The following CELF2 variants were observed in gnomAD, a reference collection of about 807,000 sequenced individuals.
CELF2 encodes the protein CUGBP Elav-like family member 2.
A neutral mutation model predicts 62.6 loss-of-function variants in CELF2; 8 were observed. The observed-to-expected ratio is 0.13, with a 90% CI of 0.07 to 0.23. CELF2 has a LOEUF of 0.23. CELF2 is among the 10% of genes least tolerant of loss of function. The pLI, the probability that CELF2 is intolerant of heterozygous loss-of-function variation, is 1.00. For missense variants in CELF2, 333 were observed against 671.0 expected, an observed-to-expected ratio of 0.50 and a Z score of 5.56; for synonymous variants, 258 against 250.0, an observed-to-expected ratio of 1.03 and a Z score of -0.30.
At chr10:10,828,339 AG>A (rs1426462411) in intron 1 of CELF2, among the ~76,000 whole-genome samples, 1 of 152,222 alleles carries the variant, frequency 6.6e-6, no homozygotes, top group Admixed American at 6.5e-5. Context: ...CTCAAAAAAG[AG>A]GGGAATTCTG....
chr10:11,160,211 A>G (rs1370518201), intron 1 of CELF2, among the ~76,000 whole-genome samples: 1 of 152,244 alleles, frequency 6.6e-6, no homozygotes, highest in Non-Finnish European at 1.5e-5. Context: ...GATGGGAACT[A>G]TCCTCTTGCT....
chr10:10,888,610 G>A (rs2061924873), intron 1 of CELF2, among the ~76,000 whole-genome samples: 2 of 152,146 alleles, frequency 1.3e-5, no homozygotes, highest in African/African-American at 2.4e-5. Context: ...TCTGTGTTCC[G>A]TGAGCCTAGG....
chr10:10,506,750 C>T, the CELF2 span, among the ~76,000 whole-genome samples: 1 of 124,348 alleles, frequency 8.0e-6, no homozygotes, highest in African/African-American at 3.0e-5. Flanking sequence ...AATCTTGGCT[C>T]ACTGCAACCT....
At chr10:10,734,087 T>A in the CELF2 span, among the ~76,000 whole-genome samples, 3 of 151,984 alleles carry the variant, frequency 2.0e-5, no homozygotes, top group Non-Finnish European at 4.4e-5. Context: ...TACTTCTACA[T>A]GTTCATTTTT....
intron 2 of CELF2, chr10:10,952,077 C>A (rs1449195391): frequency 1.3e-5 from 2 of 152,292 alleles, no homozygotes; most frequent in African/African-American, 4.8e-5. Flanking sequence ...TGTTCGGTGG[C>A]TACCCTGAGT....
intron 1 of CELF2, among the ~76,000 whole-genome samples, chr10:10,810,284 G>A (rs2055720084): frequency 6.6e-6 from 1 of 152,248 alleles, no homozygotes; most frequent in South Asian, 2.1e-4. Context: ...AATCCAATTT[G>A]TGTTTCTGGC....
At chr10:10,710,388 T>C in the CELF2 span, among the ~76,000 whole-genome samples, 23 of 152,228 alleles carry the variant, frequency 1.5e-4, no homozygotes, top group Non-Finnish European at 2.2e-4. Context: ...TGACCAGAAC[T>C]TCGTATCTTG....
chr10:10,698,452 A>G, the CELF2 span, among the ~76,000 whole-genome samples: 2 of 152,246 alleles, frequency 1.3e-5, no homozygotes, highest in Non-Finnish European at 2.9e-5. Context: ...AGTACTTAGC[A>G]AAGTATTTGA....
chr10:10,534,224 A>G, the CELF2 span, among the ~76,000 whole-genome samples: 1 of 151,450 alleles, frequency 6.6e-6, no homozygotes, highest in South Asian at 2.1e-4. Flanking sequence ...TAAAAAAAAA[A>G]AAAAAGAAAA....
the CELF2 span, among the ~76,000 whole-genome samples, chr10:10,553,859 C>A: frequency 6.6e-6 from 1 of 152,184 alleles, no homozygotes; most frequent in Admixed American, 6.5e-5. Context: ...CAGGGTGGGT[C>A]AGACCAGACA....
At chr10:10,515,904 G>A in the CELF2 span, among the ~76,000 whole-genome samples, 2 of 152,132 alleles carry the variant, frequency 1.3e-5, no homozygotes, top group Non-Finnish European at 2.9e-5. Context: ...TCACTTAATT[G>A]GCAACGTTTT....
chr10:10,525,071 C>T, the CELF2 span, among the ~76,000 whole-genome samples: 2 of 152,078 alleles, frequency 1.3e-5, no homozygotes, highest in African/African-American at 2.4e-5. Context: ...TATTTGCATA[C>T]GTTGTGGAAT....
the CELF2 span, among the ~76,000 whole-genome samples, chr10:10,717,305 C>T: frequency 3.6e-4 from 55 of 151,840 alleles, no homozygotes; most frequent in African/African-American, 8.0e-4. Flanking sequence ...ATTTTTTTAA[C>T]GTGCTAGCAT....
chr10:10,891,604 C>T (rs979461073), intron 1 of CELF2, among the ~76,000 whole-genome samples: 11 of 152,126 alleles, frequency 7.2e-5, no homozygotes, highest in African/African-American at 1.4e-4. Flanking sequence ...ATGACTCAGA[C>T]ATGAGTTTTT....
intron 1 of CELF2, among the ~76,000 whole-genome samples, chr10:11,049,122 TAAAAA>T (rs11406502): frequency 7.2e-4 from 103 of 143,126 alleles, no homozygotes; most frequent in African/African-American, 2.5e-3. Context: ...ACTGTTCTGT[TAAAAA>T]AAAAAAAAGT....
the CELF2 span, among the ~76,000 whole-genome samples, chr10:10,462,615 C>CTTTT: frequency 7.8e-4 from 54 of 69,364 alleles, no homozygotes; most frequent in South Asian, 1.4e-3. Context: ...TTTTTTTCAT[C>CTTTT]TTTTTTTTTT....
the CELF2 span, among the ~76,000 whole-genome samples, chr10:10,508,708 A>T: frequency 0.11 from 14,138 of 131,692 alleles, 860 homozygotes; most frequent in Non-Finnish European, 0.16. Flanking sequence ...GTGTGTGTAT[A>T]TTTTTTTTTT....
At chr10:11,094,911 T>C (rs2049368019) in intron 1 of CELF2, among the ~76,000 whole-genome samples, 1 of 152,242 alleles carries the variant, frequency 6.6e-6, no homozygotes, top group Admixed American at 6.5e-5. Context: ...TATCATTTTC[T>C]ACATTAATTA....
At chr10:10,585,400 C>A in the CELF2 span, among the ~76,000 whole-genome samples, 2 of 151,440 alleles carry the variant, frequency 1.3e-5, no homozygotes, top group East Asian at 3.9e-4. Context: ...ACACCTTTCT[C>A]TACCTTGGGT....
Sources: allele counts gnomAD v4.1 joint callset (sites outside exome capture counted in the v4.1 genomes callset), GRCh38; gene constraint gnomAD v4.1.1; transcripts MANE v1.5; gene names NCBI Gene and HGNC (gene_info 2026-07-23, HGNC 2026-07-21).